The following CECR2 variants were observed in gnomAD, a reference collection of about 807,000 sequenced individuals.
CECR2 encodes CECR2 histone acetyl-lysine reader.
A neutral mutation model predicts 154.5 loss-of-function variants in CECR2; 30 were observed. The observed-to-expected ratio is 0.19, with a 90% CI of 0.15 to 0.26. The LOEUF (loss-of-function observed/expected upper bound fraction) is 0.26, where lower values mean the gene tolerates loss of function less well. Among genes scored for constraint, CECR2 ranks in the 10% least tolerant of loss-of-function variants. The pLI, the probability that CECR2 is intolerant of heterozygous loss-of-function variation, is 1.00. For synonymous variants in CECR2, 725 were observed against 683.7 expected (o/e 1.06, Z -0.94); for missense variants, 1,743 against 1,829.3 (o/e 0.95, Z 0.86).
chr22:17,522,625 C>G (rs947802247), intron 8 of CECR2, among the ~76,000 whole-genome samples: 1 of 152,124 alleles, frequency 6.6e-6, no homozygotes, highest in Non-Finnish European at 1.5e-5. Context: ...TTATTTTTGT[C>G]CCTCCTGTTC....
chr22:17,453,118 G>A (rs2054797087), intron 1 of CECR2, among the ~76,000 whole-genome samples: 1 of 152,164 alleles, frequency 6.6e-6, no homozygotes, highest in Non-Finnish European at 1.5e-5. Context: ...ACCTATGGCT[G>A]TATATTTAGG....
At chr22:17,374,964 C>T (rs1461260310) in intron 1 of CECR2, among the ~76,000 whole-genome samples, 2 of 152,008 alleles carry the variant, frequency 1.3e-5, no homozygotes, top group African/African-American at 4.8e-5. Context: ...TTTAAAATGA[C>T]GGGCCAGACC....
chr22:17,390,858 A>T (rs886627890), intron 1 of CECR2, among the ~76,000 whole-genome samples: 1 of 152,248 alleles, frequency 6.6e-6, no homozygotes, highest in African/African-American at 2.4e-5. Context: ...ATTAATCTAA[A>T]GGAGATGAAC....
intron 1 of CECR2, among the ~76,000 whole-genome samples, chr22:17,449,440 C>T (rs1176516907): frequency 1.9e-4 from 29 of 148,814 alleles, no homozygotes; most frequent in African/African-American, 6.9e-4. Flanking sequence ...CTCAGGAGTT[C>T]TCCCATTTTT....
intron 1 of CECR2, among the ~76,000 whole-genome samples, chr22:17,382,172 G>A (rs552155537): frequency 1.3e-5 from 2 of 151,764 alleles, no homozygotes; most frequent in East Asian, 1.9e-4. Flanking sequence ...TTACAGGCGT[G>A]AGCCACTGTG....
At chr22:17,361,676 G>T (rs908634635) in intron 1 of CECR2, among the ~76,000 whole-genome samples, 2 of 151,792 alleles carry the variant, frequency 1.3e-5, no homozygotes, top group African/African-American at 4.8e-5. Flanking sequence ...GGGCTGGGGG[G>T]AGGTTGCAGT....
At chr22:17,525,284 TC>T (rs1262078256) in intron 9 of CECR2, among the ~76,000 whole-genome samples, 6,421 of 9,964 alleles carry the variant, frequency 0.64, 2,250 homozygotes, top group East Asian at 0.78. Context: ...AAACTCCATC[TC>T]CAAAAAAAAA....
chr22:17,495,397 T>G (rs1234979246), intron 2 of CECR2, among the ~76,000 whole-genome samples: 2 of 151,896 alleles, frequency 1.3e-5, no homozygotes, highest in African/African-American at 4.8e-5. Context: ...GGTGAAACCC[T>G]GTCTTTACTA....
chr22:17,457,112 C>T (rs970225119), intron 1 of CECR2, among the ~76,000 whole-genome samples: 8 of 152,168 alleles, frequency 5.3e-5, no homozygotes, highest in East Asian at 3.8e-4. Context: ...TCACAACCTC[C>T]GCCCCCGCGG....
At chr22:17,546,670 C>T (rs1476615320) in intron 16 of CECR2, among the ~76,000 whole-genome samples, 1 of 151,998 alleles carries the variant, frequency 6.6e-6, no homozygotes, top group Non-Finnish European at 1.5e-5. Context: ...GAATCTCTAA[C>T]CTTGTGCTTC....
chr22:17,428,506 C>T (rs2054366164), intron 1 of CECR2: 1 of 151,806 alleles, frequency 6.6e-6, no homozygotes, highest in Non-Finnish European at 1.5e-5. Flanking sequence ...AGAAACTTAT[C>T]AAACATTTGG....
intron 1 of CECR2, among the ~76,000 whole-genome samples, chr22:17,420,955 A>T (rs2054236841): frequency 6.6e-6 from 1 of 152,246 alleles, no homozygotes; most frequent in Non-Finnish European, 1.5e-5. Flanking sequence ...TAATAACTAT[A>T]GTCCTAATTC....
At position 17,409,425 on chromosome 22, in the gene CECR2, G is replaced by T. The variant is rs1413851401; in HGVS notation, c.126+39516G>T. Among the ~76,000 whole-genome samples the T allele has an allele frequency of 1.1e-4, 12 of 111,404 alleles. 1 individual carries two copies. In the South Asian group the frequency reaches 2.9e-3, roughly 27 times the overall value. 73.1% of individuals were successfully genotyped at this position (111,404 alleles called of 152,430 possible). A position where few individuals can be genotyped will look rare whatever the true frequency, so the allele number is the denominator to read the frequency against. On this transcript the variant is annotated intron_variant, in intron 1 of 18. Coordinates refer to ENST00000262608, the MANE Select transcript of CECR2 (RefSeq NM_001290047.2). ...TTTTTGTATTTTTAGTAGAGATGGG[G>T]TTTCACCATGTTGGCCAGGATGGTC... is the stretch of plus-strand genomic sequence containing the variant.
At chr22:17,377,722 A>T (rs2063134092) in intron 1 of CECR2, among the ~76,000 whole-genome samples, 1 of 152,192 alleles carries the variant, frequency 6.6e-6, no homozygotes, top group Admixed American at 6.5e-5. Flanking sequence ...ATTTCATGGG[A>T]TGCTATCCCT....
intron 1 of CECR2, among the ~76,000 whole-genome samples, chr22:17,458,892 CA>C (rs1033151679): frequency 5.9e-5 from 9 of 151,916 alleles, no homozygotes; most frequent in Admixed American, 4.6e-4. Flanking sequence ...TTAAAAGGAG[CA>C]AAAAAATCTC....
rs963957315 is a variant in CECR2, at chr22:17,538,978, A to C, written c.1369-15A>C. ...CAGCATATTTTAACTATAAAGAGTTATGTGTCTCGTTTAGGCCCCCATGGA... is the reference window on the plus strand; with the variant it reads ...CAGCATATTTTAACTATAAAGAGTTCTGTGTCTCGTTTAGGCCCCCATGGA... On this transcript the variant is annotated splice_polypyrimidine_tract_variant and intron_variant, in intron 12 of 18. Transcript: ENST00000262608. 3 of 1,611,470 alleles carry C rather than the reference A, an allele frequency of 1.9e-6. No individual in the cohort carries two copies. Among genetic ancestry groups the C allele is most frequent in the Non-Finnish European group, 2.5e-6 (3 of 1,178,558 alleles).
At chr22:17,440,333 T>G (rs959715292) in intron 1 of CECR2, among the ~76,000 whole-genome samples, 1 of 152,152 alleles carries the variant, frequency 6.6e-6, no homozygotes, top group African/African-American at 2.4e-5. Flanking sequence ...GCTTCCTAGC[T>G]CCCACTCGAT....
intron 1 of CECR2, among the ~76,000 whole-genome samples, chr22:17,386,187 G>C (rs2063258730): frequency 6.6e-6 from 1 of 152,136 alleles, no homozygotes; most frequent in East Asian, 1.9e-4. Context: ...ACGGAAAAGA[G>C]CCTTTGAGTT....
chr22:17,521,283 G>A (rs1156341280), intron 8 of CECR2, among the ~76,000 whole-genome samples: 1 of 152,206 alleles, frequency 6.6e-6, no homozygotes, highest in African/African-American at 2.4e-5. Flanking sequence ...GCTCACGCCT[G>A]TAATCCCAGC....
Sources: allele counts gnomAD v4.1 joint callset (sites outside exome capture counted in the v4.1 genomes callset), GRCh38; gene constraint gnomAD v4.1.1; transcripts MANE v1.5; gene names NCBI Gene and HGNC (gene_info 2026-07-23, HGNC 2026-07-21).